Variants in FUBP3 observed in about 807,000 individuals in gnomAD.
The protein encoded by FUBP3 is far upstream element binding protein 3, also known as far upstream element-binding protein 3.
FUBP3 carries 28 observed loss-of-function variants against 85.6 expected under a neutral mutation model. The observed-to-expected ratio is 0.33, with a 90% CI of 0.24 to 0.45. The LOEUF (loss-of-function observed/expected upper bound fraction) is 0.45, where lower values mean the gene tolerates loss of function less well. FUBP3 is among the 20% of genes least tolerant of loss of function. The pLI, the probability that FUBP3 is intolerant of heterozygous loss-of-function variation, is 1.00. For synonymous variants in FUBP3, 271 were observed against 271.4 expected (o/e 1.00, Z 0.01); for missense variants, 583 against 755.1 (o/e 0.77, Z 2.67).
At chr9:130,594,869 CTTTT>C (rs10710760) in intron 1 of FUBP3, among the ~76,000 whole-genome samples, 9 of 129,314 alleles carry the variant, frequency 7.0e-5, no homozygotes, top group Non-Finnish European at 1.5e-4. Context: ...TGTTGGCTTG[CTTTT>C]TTTTTTTTTT....
rs1831502298 is a variant in FUBP3 at position 130,607,181 on chromosome 9, A to G, written c.191-2773A>G. Reference sequence around the variant, plus strand: ...GAGACAGGGTTTTGCCATGTTGGCCAGGCAGGTCTCGAACTCCTGGCCTCA... The same window carrying G: ...GAGACAGGGTTTTGCCATGTTGGCCGGGCAGGTCTCGAACTCCTGGCCTCA... On this transcript the variant is annotated intron_variant, in intron 2 of 18. Transcript: ENST00000319725. 2.6e-5 allele frequency among the ~76,000 whole-genome samples: 4 copies of G among 151,694 alleles called. No homozygotes were observed. In the South Asian group the frequency reaches 8.4e-4, roughly 32 times the overall value.
chr9:130,611,896 G>C (rs73549909), intron 3 of FUBP3, among the ~76,000 whole-genome samples: 7,051 of 152,160 alleles, frequency 0.046, 568 homozygotes, highest in African/African-American at 0.16. Flanking sequence ...CTGGTCAACA[G>C]TGATTACGCC....
rs373520393 is a variant in FUBP3, at chr9:130,610,004, G to A, written c.224+17G>A. Reference sequence around the variant, plus strand: ...ACATCAAAGGTAAGCAGTGGGTTACGTTTTATTATTTATTGATCATTTCTA... The same window carrying A: ...ACATCAAAGGTAAGCAGTGGGTTACATTTTATTATTTATTGATCATTTCTA... On this transcript the variant is annotated intron_variant, in intron 3 of 18. Coordinates refer to ENST00000319725, the MANE Select transcript of FUBP3 (RefSeq NM_003934.2). 170 of 1,564,002 alleles carry A rather than the reference G, an allele frequency of 1.1e-4. No homozygotes were observed. The highest frequency in any genetic ancestry group is 2.3e-4 in the South Asian group (21 of 90,116).
chr9:130,595,912 C>A (rs891619350), intron 2 of FUBP3, among the ~76,000 whole-genome samples: 1 of 152,156 alleles, frequency 6.6e-6, no homozygotes, highest in Non-Finnish European at 1.5e-5. Context: ...AATTGAAGTT[C>A]CCACTTTCTC....
chr9:130,626,227 T>G, intron 11 of FUBP3, 137 bp from the exon 12 acceptor site: 1 of 848,120 alleles, frequency 1.2e-6, no homozygotes, highest in Non-Finnish European at 1.8e-6. Flanking sequence ...CCCTTCAGAA[T>G]GGGAAGTGTG....
intron 1 of FUBP3, among the ~76,000 whole-genome samples, chr9:130,587,743 G>A (rs1830415970): frequency 6.6e-6 from 1 of 152,066 alleles, no homozygotes; most frequent in Non-Finnish European, 1.5e-5. Context: ...TAAACCCTGG[G>A]GCTCCTAATT....
intron 12 of FUBP3, among the ~76,000 whole-genome samples, chr9:130,628,104 GCACACACACA>G (rs71499253): frequency 6.0e-5 from 9 of 148,950 alleles, no homozygotes; most frequent in Non-Finnish European, 1.3e-4. Context: ...GCACGCACGC[GCACACACACA>G]CACACACACA....
intron 14 of FUBP3, 41 bp downstream of exon 14, chr9:130,631,671 G>A (rs756309921): frequency 1.6e-5 from 23 of 1,459,948 alleles, no homozygotes; most frequent in Admixed American, 6.8e-5. Context: ...GAATTCACTC[G>A]CTCCCCAGAG....
intron 5 of FUBP3, 120 bp downstream of exon 5, chr9:130,613,147 C>T (rs1588143638): frequency 1.5e-6 from 1 of 658,020 alleles, no homozygotes; most frequent in East Asian, 2.7e-5. Flanking sequence ...TTTCCTTGCA[C>T]TTTGGGAGTT....
chr9:130,609,643 G>A (rs1437623876), intron 2 of FUBP3, among the ~76,000 whole-genome samples: 1 of 152,208 alleles, frequency 6.6e-6, no homozygotes, highest in Non-Finnish European at 1.5e-5. Flanking sequence ...TCCAGAGCAG[G>A]AGGGAGGTAG....
intron 16 of FUBP3, among the ~76,000 whole-genome samples, chr9:130,633,676 C>G (rs1481010289): frequency 1.3e-5 from 2 of 152,208 alleles, no homozygotes; most frequent in Non-Finnish European, 2.9e-5. Flanking sequence ...CGGCGAAGTC[C>G]TGCTTGCCGG....
chr9:130,626,296 C>A (rs759348343), intron 11 of FUBP3, 68 bp from the exon 12 acceptor site: 8 of 1,523,744 alleles, frequency 5.3e-6, no homozygotes, highest in Non-Finnish European at 7.1e-6. Context: ...AACCTCCTCC[C>A]TGGAAAAGAG....
At chr9:130,623,356 A>C (rs1366594635) in intron 10 of FUBP3, among the ~76,000 whole-genome samples, 1 of 152,146 alleles carries the variant, frequency 6.6e-6, no homozygotes, top group Non-Finnish European at 1.5e-5. Flanking sequence ...GCTTTGTTTT[A>C]GTTCTTTAAT....
intron 11 of FUBP3, among the ~76,000 whole-genome samples, chr9:130,624,609 TTGTGTG>T (rs138986229): frequency 0.12 from 17,970 of 143,898 alleles, 1,120 homozygotes; most frequent in Admixed American, 0.19. Context: ...TTACAAGATT[TTGTGTG>T]TGTGTGTGTG....
intron 2 of FUBP3, among the ~76,000 whole-genome samples, chr9:130,607,347 ATCG>A (rs997289122): frequency 5.3e-5 from 8 of 151,336 alleles, no homozygotes; most frequent in African/African-American, 1.9e-4. Context: ...AATTTATGAT[ATCG>A]TAGGATGACT....
At chr9:130,633,858 A>G (rs1830311604) in intron 16 of FUBP3, among the ~76,000 whole-genome samples, 1 of 152,190 alleles carries the variant, frequency 6.6e-6, no homozygotes, top group South Asian at 2.1e-4. Context: ...ATTTGGCTGC[A>G]TGCTCTCTGC....
At chr9:130,584,343 C>T (rs1012971762) in intron 1 of FUBP3, among the ~76,000 whole-genome samples, 1 of 151,736 alleles carries the variant, frequency 6.6e-6, no homozygotes, top group Non-Finnish European at 1.5e-5. Flanking sequence ...GCCTGGTCAA[C>T]GTGGCAAAAC....
rs1830241556 is a variant in FUBP3, at chr9:130,632,197, C to T, written c.1434-5C>T. 1 of 1,612,830 alleles carries T rather than the reference C, an allele frequency of 6.2e-7. No homozygotes were observed. The highest frequency in any genetic ancestry group is 1.3e-5 in the African/African-American group (1 of 74,936). On this transcript the variant is annotated splice_region_variant and splice_polypyrimidine_tract_variant and intron_variant, in intron 15 of 18. Coordinates refer to ENST00000319725, the MANE Select transcript of FUBP3 (RefSeq NM_003934.2). ...AGGAACGAGTGACCCTCTTGTTATC[C>T]ACAGTGGTCCTCCGGCCTTTCTGAC... is the stretch of plus-strand genomic sequence containing the variant.
At chr9:130,606,780 T>A (rs892871439) in intron 2 of FUBP3, among the ~76,000 whole-genome samples, 1 of 151,796 alleles carries the variant, frequency 6.6e-6, no homozygotes, top group Non-Finnish European at 1.5e-5. Flanking sequence ...AGATCACGCC[T>A]TTGCACTCCA....
Sources: gnomAD v4.1 joint callset for allele counts (sites outside exome capture counted in the v4.1 genomes callset) on GRCh38, gnomAD v4.1.1 for gene constraint, MANE v1.5 for transcripts, NCBI Gene and HGNC (gene_info 2026-07-23, HGNC 2026-07-21) for gene names.